The following LRIF1 variants were observed in gnomAD, a reference collection of about 807,000 sequenced individuals.
The protein encoded by LRIF1 is ligand-dependent nuclear receptor-interacting factor 1.
LRIF1 carries 32 observed loss-of-function variants against 52.7 expected under a neutral mutation model. That is an observed-to-expected ratio of 0.61 (90% CI 0.46 to 0.82). LRIF1 has a LOEUF of 0.82. Among genes scored for constraint, LRIF1 ranks in the 40% least tolerant of loss-of-function variants. The pLI is 0.00. For synonymous variants in LRIF1, 323 were observed against 317.4 expected, an observed-to-expected ratio of 1.02 and a Z score of -0.19; for missense variants, 887 against 892.0, an observed-to-expected ratio of 0.99 and a Z score of 0.07.
rs1488971168 is a variant in LRIF1 at position 110,947,909 on chromosome 1, G to T, written c.*50C>A. ...CACCTACAATTAACTTATTAATGCTGAAGTATATTTTAAAAAACAGCTATT... is the reference window on the plus strand; with the variant it reads ...CACCTACAATTAACTTATTAATGCTTAAGTATATTTTAAAAAACAGCTATT... On this transcript the variant is annotated 3_prime_UTR_variant, in exon 4 of 4. Transcript: ENST00000369763. The T allele has an allele frequency of 9.8e-6, 15 of 1,526,932 alleles. No homozygotes were observed. Among genetic ancestry groups the T allele is most frequent in the Non-Finnish European group, 1.2e-5 (14 of 1,143,144 alleles). 94.6% of individuals were successfully genotyped at this position (1,526,932 alleles called of 1,614,324 possible).
the LRIF1 span, among the ~76,000 whole-genome samples, chr1:110,913,119 T>C: frequency 6.6e-6 from 1 of 152,338 alleles, no homozygotes; most frequent in African/African-American, 2.4e-5. Context: ...GCTAGCCATA[T>C]ACACAAGACT....
At chr1:110,884,850 C>A in the LRIF1 span, among the ~76,000 whole-genome samples, 6 of 10,232 alleles carry the variant, frequency 5.9e-4, no homozygotes, top group Admixed American at 7.7e-3. Flanking sequence ...ATTTTAAATG[C>A]ATTTTTTTGT....
chr1:110,905,197 GAGAT>G, the LRIF1 span, among the ~76,000 whole-genome samples: 2 of 152,270 alleles, frequency 1.3e-5, no homozygotes, highest in Admixed American at 6.5e-5. Flanking sequence ...GGTAGAGAAA[GAGAT>G]AGAAGTAGAA....
At chr1:110,905,968 G>C in the LRIF1 span, among the ~76,000 whole-genome samples, 1 of 151,866 alleles carries the variant, frequency 6.6e-6, no homozygotes, top group African/African-American at 2.4e-5. Context: ...GTTGTTATCA[G>C]GTTAAAATAA....
At chr1:110,939,756 T>C in the LRIF1 span, 2 of 152,300 alleles carry the variant, frequency 1.3e-5, no homozygotes, top group Non-Finnish European at 2.9e-5. Context: ...CTTCAGTAAA[T>C]AGTTCTGGGA....
intron 1 of LRIF1, among the ~76,000 whole-genome samples, chr1:110,957,009 C>T (rs1423049477): frequency 6.6e-6 from 1 of 152,074 alleles, no homozygotes; most frequent in Non-Finnish European, 1.5e-5. Flanking sequence ...CCATATTGAT[C>T]CTCTTACCTA....
At chr1:110,888,558 G>A in the LRIF1 span, among the ~76,000 whole-genome samples, 1 of 152,144 alleles carries the variant, frequency 6.6e-6, no homozygotes, top group South Asian at 2.1e-4. Context: ...TTTCAGGTGA[G>A]GGGGTAAATC....
the LRIF1 span, chr1:110,938,855 T>G: frequency 5.9e-5 from 9 of 152,142 alleles, no homozygotes; most frequent in Admixed American, 4.6e-4. Flanking sequence ...AAAAAATCAG[T>G]AAAGTTCCAG....
chr1:110,875,346 G>C, the LRIF1 span, among the ~76,000 whole-genome samples: 4 of 152,172 alleles, frequency 2.6e-5, no homozygotes, highest in African/African-American at 9.7e-5. Flanking sequence ...CCAGCTCTGG[G>C]TGGGGCTATG....
At chr1:110,894,808 C>A in the LRIF1 span, 1 of 644,838 alleles carries the variant, frequency 1.6e-6, no homozygotes, top group Non-Finnish European at 2.9e-6. Context: ...CCTGTATGCC[C>A]ATAGATAAAC....
the LRIF1 span, among the ~76,000 whole-genome samples, chr1:110,889,555 C>CAAATAAATAAATAAAT: frequency 6.2e-5 from 9 of 146,236 alleles, no homozygotes; most frequent in South Asian, 2.2e-4. Flanking sequence ...AAAACTCCGT[C>CAAATAAATAAATAAAT]AAATAAATAA....
intron 2 of LRIF1, 149 bp from the exon 3 acceptor site, chr1:110,950,272 C>A (rs1658410091): frequency 2.2e-6 from 2 of 898,488 alleles, no homozygotes; most frequent in Non-Finnish European, 3.2e-6. Context: ...CACCCACACT[C>A]AAAAAACTGA....
At chr1:110,885,170 C>T in the LRIF1 span, among the ~76,000 whole-genome samples, 3 of 152,176 alleles carry the variant, frequency 2.0e-5, no homozygotes, top group African/African-American at 7.2e-5. Context: ...AGTCTCTACA[C>T]TATTATTATC....
At chr1:110,876,991 T>A in the LRIF1 span, among the ~76,000 whole-genome samples, 1 of 152,182 alleles carries the variant, frequency 6.6e-6, no homozygotes, top group East Asian at 1.9e-4. Context: ...CTTATATAAC[T>A]ACTTTACAAT....
At chr1:110,899,342 T>C in the LRIF1 span, 1 of 590,702 alleles carries the variant, frequency 1.7e-6, no homozygotes, top group South Asian at 2.0e-5. Context: ...ACCAGAGAAG[T>C]GGGTGTTGGC....
At chr1:110,875,537 A>G in the LRIF1 span, among the ~76,000 whole-genome samples, 1 of 152,172 alleles carries the variant, frequency 6.6e-6, no homozygotes, top group Admixed American at 6.5e-5. Context: ...GCATTGATTC[A>G]GTTATAGTGG....
At chr1:110,897,536 C>G in the LRIF1 span, 2 of 293,550 alleles carry the variant, frequency 6.8e-6, no homozygotes, top group Admixed American at 9.9e-5. Flanking sequence ...GGTTGCTGAC[C>G]TGCCTCTTAG....
At chr1:110,899,299 A>T in the LRIF1 span, 4 of 788,092 alleles carry the variant, frequency 5.1e-6, no homozygotes, top group African/African-American at 6.8e-5. Context: ...TCCTCCTCCC[A>T]TCCTTTCCCT....
downstream of LRIF1, chr1:110,943,564 T>C (rs1012113385): frequency 2.0e-5 from 3 of 152,294 alleles, no homozygotes; most frequent in East Asian, 3.9e-4. Flanking sequence ...ATATAACTAA[T>C]TTAATCTCTT....
Sources: gnomAD v4.1 joint callset for allele counts (sites outside exome capture counted in the v4.1 genomes callset) on GRCh38, gnomAD v4.1.1 for gene constraint, MANE v1.5 for transcripts, NCBI Gene and HGNC (gene_info 2026-07-23, HGNC 2026-07-21) for gene names.